KCNIP1: variants seen among roughly 807,000 people sequenced by gnomAD.
KCNIP1 encodes the protein A-type potassium channel modulatory protein KCNIP1.
Under a neutral mutation model 33.0 loss-of-function variants are expected in KCNIP1, and 18 were observed. The observed-to-expected ratio is 0.55, with a 90% confidence interval of 0.38 to 0.81. The LOEUF is 0.81. KCNIP1 is among the 30% of genes least tolerant of loss of function. The pLI is 0.00. For missense variants in KCNIP1, 238 were observed against 271.6 expected (o/e 0.88, Z 0.87); for synonymous variants, 93 against 98.3 (o/e 0.95, Z 0.32).
intron 1 of KCNIP1, among the ~76,000 whole-genome samples, chr5:170,417,893 T>G (rs1755373070): frequency 6.6e-6 from 1 of 152,202 alleles, no homozygotes. Context: ...TCTCTCCTTA[T>G]ACCCAGTCTT....
intron 1 of KCNIP1, among the ~76,000 whole-genome samples, chr5:170,535,002 C>T (rs1755926220): frequency 6.6e-6 from 1 of 152,100 alleles, no homozygotes; most frequent in Non-Finnish European, 1.5e-5. Flanking sequence ...TGTTTTTCTC[C>T]CAGTTTTCAT....
At chr5:170,354,491 G>A (rs188631388) in intron 1 of KCNIP1, among the ~76,000 whole-genome samples, 13 of 152,306 alleles carry the variant, frequency 8.5e-5, no homozygotes, top group East Asian at 3.9e-4. Context: ...GGGTTCCAGC[G>A]TCTCGTGCTT....
intron 1 of KCNIP1, among the ~76,000 whole-genome samples, chr5:170,701,005 A>G (rs535826462): frequency 2.8e-4 from 43 of 152,334 alleles, no homozygotes; most frequent in African/African-American, 1.0e-3. Context: ...TTCCAGACCT[A>G]TCTGCACAGC....
intron 1 of KCNIP1, among the ~76,000 whole-genome samples, chr5:170,615,507 G>T (rs570735611): frequency 6.6e-6 from 1 of 152,256 alleles, no homozygotes; most frequent in Non-Finnish European, 1.5e-5. Context: ...CTGATTAATT[G>T]TCTGTCCTAG....
chr5:170,437,386 C>T (rs1252943443), intron 1 of KCNIP1, among the ~76,000 whole-genome samples: 1 of 152,186 alleles, frequency 6.6e-6, no homozygotes, highest in African/African-American at 2.4e-5. Context: ...CCTGAACTCC[C>T]TCACAACCAT....
intron 1 of KCNIP1, among the ~76,000 whole-genome samples, chr5:170,381,541 C>T (rs780024502): frequency 1.3e-5 from 2 of 152,212 alleles, no homozygotes; most frequent in Non-Finnish European, 2.9e-5. Context: ...GCAGCTAGCC[C>T]ACAACCCAGC....
At chr5:170,569,231 C>A (rs1757310790) in intron 1 of KCNIP1, among the ~76,000 whole-genome samples, 1 of 152,242 alleles carries the variant, frequency 6.6e-6, no homozygotes, top group Admixed American at 6.5e-5. Context: ...AGCAACTTTG[C>A]AAGCTTCTTC....
intron 1 of KCNIP1, among the ~76,000 whole-genome samples, chr5:170,602,214 T>A (rs997171405): frequency 6.6e-6 from 1 of 152,132 alleles, no homozygotes; most frequent in African/African-American, 2.4e-5. Context: ...ATAAATGGGG[T>A]CCTGGGCCGT....
At chr5:170,435,266 T>C (rs1408378789) in intron 1 of KCNIP1, among the ~76,000 whole-genome samples, 3 of 152,192 alleles carry the variant, frequency 2.0e-5, no homozygotes, top group Non-Finnish European at 4.4e-5. Flanking sequence ...TCCCCTGTAC[T>C]TCTTTGCAGG....
intron 1 of KCNIP1, among the ~76,000 whole-genome samples, chr5:170,673,759 C>A (rs1762013584): frequency 6.6e-6 from 1 of 152,130 alleles, no homozygotes; most frequent in Non-Finnish European, 1.5e-5. Flanking sequence ...ATGTCACTCT[C>A]AACGCTTTAT....
chr5:170,691,943 C>T (rs1762735908), intron 1 of KCNIP1, among the ~76,000 whole-genome samples: 1 of 152,100 alleles, frequency 6.6e-6, no homozygotes, highest in Non-Finnish European at 1.5e-5. Context: ...ATTATTGTTC[C>T]CTATGGGATA....
intron 1 of KCNIP1, among the ~76,000 whole-genome samples, chr5:170,410,409 G>A (rs764003557): frequency 1.9e-4 from 29 of 152,126 alleles, no homozygotes; most frequent in Non-Finnish European, 3.8e-4. Context: ...GACACAGCAT[G>A]GGTGCACCGG....
intron 1 of KCNIP1, among the ~76,000 whole-genome samples, chr5:170,535,826 T>A (rs1356265388): frequency 6.6e-6 from 1 of 152,190 alleles, no homozygotes. Context: ...CCAGACCAGA[T>A]AAATAAGATT....
intron 1 of KCNIP1, among the ~76,000 whole-genome samples, chr5:170,609,754 G>T (rs1759071893): frequency 6.6e-6 from 1 of 152,190 alleles, no homozygotes; most frequent in South Asian, 2.1e-4. Flanking sequence ...CTACTTGGGA[G>T]ACTGAGGCAG....
At position 170,603,029 on chromosome 5, in the gene KCNIP1, A is replaced by G. The variant is rs535701212; in HGVS notation, c.61+98396A>G. 2.0e-5 allele frequency among the ~76,000 whole-genome samples: 3 copies of G among 152,326 alleles called. No homozygotes were observed. In the South Asian group the frequency reaches 6.2e-4, roughly 32 times the overall value. On this transcript the variant is annotated intron_variant, in intron 1 of 7. Transcript: ENST00000328939. ...CCCAACATGGCTAGCTCCTTCCAGG[A>G]CCAGGGGCTAGGCCCCAGCTAAGGC...
At chr5:170,674,325 T>A (rs1185326424) in intron 1 of KCNIP1, among the ~76,000 whole-genome samples, 1 of 152,200 alleles carries the variant, frequency 6.6e-6, no homozygotes, top group African/African-American at 2.4e-5. Flanking sequence ...AGGTAAAAAT[T>A]GAAACATGTC....
At chr5:170,430,814 CCTA>C (rs1755723163) in intron 1 of KCNIP1, among the ~76,000 whole-genome samples, 1 of 152,160 alleles carries the variant, frequency 6.6e-6, no homozygotes, top group African/African-American at 2.4e-5. Flanking sequence ...GATTGTTGCC[CCTA>C]CTATTACTGT....
chr5:170,541,337 G>A (rs1270045358), intron 1 of KCNIP1, among the ~76,000 whole-genome samples: 3 of 152,140 alleles, frequency 2.0e-5, no homozygotes, highest in Non-Finnish European at 4.4e-5. Context: ...GTCACCCCCT[G>A]GAGTCTGCCC....
chr5:170,529,289 A>G (rs1432039479), intron 1 of KCNIP1, among the ~76,000 whole-genome samples: 1 of 152,170 alleles, frequency 6.6e-6, no homozygotes, highest in Non-Finnish European at 1.5e-5. Context: ...TTTACAGCCC[A>G]CCAGCTCAGC....
Sources: allele counts gnomAD v4.1 joint callset (sites outside exome capture counted in the v4.1 genomes callset), GRCh38; gene constraint gnomAD v4.1.1; transcripts MANE v1.5; gene names NCBI Gene and HGNC (gene_info 2026-07-23, HGNC 2026-07-21).